The following IQCM variants were observed in gnomAD, a reference collection of about 807,000 sequenced individuals.
IQCM encodes the protein IQ domain-containing protein M.
A neutral mutation model predicts 57.6 loss-of-function variants in IQCM; 45 were observed. The observed-to-expected ratio is 0.78, with a 90% confidence interval of 0.62 to 1.00. IQCM has a LOEUF of 1.00. Among genes scored for constraint, IQCM ranks in the 50% least tolerant of loss-of-function variants. IQCM has a pLI of 0.00. For synonymous variants in IQCM, 148 were observed against 158.9 expected (o/e 0.93, Z 0.51); for missense variants, 468 against 511.6 (o/e 0.91, Z 0.82).
chr4:149,569,895 A>G (rs1289494173), intron 9 of IQCM, among the ~76,000 whole-genome samples: 2 of 152,136 alleles, frequency 1.3e-5, no homozygotes, highest in Non-Finnish European at 2.9e-5. Context: ...TTTCATATTT[A>G]TTTTCTAATA....
At chr4:149,792,477 G>A (rs1199353615) in intron 2 of IQCM, among the ~76,000 whole-genome samples, 2 of 152,010 alleles carry the variant, frequency 1.3e-5, no homozygotes, top group Non-Finnish European at 2.9e-5. Context: ...AATTTAAAGG[G>A]TCATGTTATT....
intron 2 of IQCM, among the ~76,000 whole-genome samples, chr4:149,747,473 T>A (rs890728687): frequency 6.6e-6 from 1 of 152,200 alleles, no homozygotes; most frequent in African/African-American, 2.4e-5. Context: ...TCTAACACCA[T>A]ATTGTTTAGG....
chr4:149,783,688 G>T (rs1771819603), intron 2 of IQCM, among the ~76,000 whole-genome samples: 1 of 152,114 alleles, frequency 6.6e-6, no homozygotes, highest in Admixed American at 6.5e-5. Context: ...CTAGTATAAT[G>T]TTATCTCTAT....
At chr4:149,555,920 A>G (rs1749536048) in intron 10 of IQCM, among the ~76,000 whole-genome samples, 1 of 152,174 alleles carries the variant, frequency 6.6e-6, no homozygotes, top group Non-Finnish European at 1.5e-5. Flanking sequence ...GATCTCAGGC[A>G]TTTGGAAGGT....
intron 2 of IQCM, among the ~76,000 whole-genome samples, chr4:149,774,024 T>G (rs1438421559): frequency 6.6e-6 from 1 of 152,182 alleles, no homozygotes; most frequent in Non-Finnish European, 1.5e-5. Context: ...TATTTGTGTA[T>G]GTACATGGCT....
intron 2 of IQCM, among the ~76,000 whole-genome samples, chr4:149,771,785 A>G (rs1770606068): frequency 6.6e-6 from 1 of 152,158 alleles, no homozygotes; most frequent in Non-Finnish European, 1.5e-5. Context: ...TCTTGTGCTG[A>G]TAATGAATTA....
intron 3 of IQCM, among the ~76,000 whole-genome samples, chr4:149,740,063 TAA>T: frequency 6.6e-6 from 1 of 152,310 alleles, no homozygotes; most frequent in Non-Finnish European, 1.5e-5. Context: ...CCCAGGGGCT[TAA>T]AAACATTTGC....
intron 12 of IQCM, among the ~76,000 whole-genome samples, chr4:149,535,241 T>C (rs932588431): frequency 2.0e-5 from 3 of 152,034 alleles, no homozygotes; most frequent in Non-Finnish European, 4.4e-5. Context: ...AAAATATCCT[T>C]AATACTATGT....
intron 7 of IQCM, among the ~76,000 whole-genome samples, chr4:149,634,458 A>T (rs970399133): frequency 6.6e-6 from 1 of 152,228 alleles, no homozygotes; most frequent in Non-Finnish European, 1.5e-5. Context: ...TAACTCAGCC[A>T]CAAGACTGTA....
At chr4:149,435,141 T>C (rs1039189492) in intron 12 of IQCM, among the ~76,000 whole-genome samples, 9 of 152,148 alleles carry the variant, frequency 5.9e-5, no homozygotes, top group African/African-American at 2.2e-4. Flanking sequence ...TAGTAGAAAA[T>C]CACATTTACT....
At chr4:149,788,936 T>G (rs887321336) in intron 2 of IQCM, among the ~76,000 whole-genome samples, 1 of 152,144 alleles carries the variant, frequency 6.6e-6, no homozygotes, top group Non-Finnish European at 1.5e-5. Flanking sequence ...ATGTGGGAGC[T>G]AAATAAGTAA....
At chr4:149,814,839 T>C (rs1774906671) in intron 2 of IQCM, among the ~76,000 whole-genome samples, 1 of 151,998 alleles carries the variant, frequency 6.6e-6, no homozygotes, top group Admixed American at 6.6e-5. Context: ...GTATGAATCA[T>C]ATACAGTTAA....
intron 5 of IQCM, among the ~76,000 whole-genome samples, chr4:149,696,198 A>T (rs1763326756): frequency 6.6e-6 from 1 of 152,142 alleles, no homozygotes; most frequent in South Asian, 2.1e-4. Flanking sequence ...CTCATCAAAG[A>T]TACAATGACT....
chr4:149,358,846 G>GTATATCATGATATACTCTCATGAA (rs1729222241), intron 13 of IQCM, among the ~76,000 whole-genome samples: 1 of 151,466 alleles, frequency 6.6e-6, no homozygotes, highest in African/African-American at 2.4e-5. Context: ...ACAGTGGACA[G>GTATATCATGATATACTCTCATGAA]TATATCATGA....
chr4:149,734,979 T>C (rs1453054368), intron 4 of IQCM, among the ~76,000 whole-genome samples: 1 of 152,216 alleles, frequency 6.6e-6, no homozygotes, highest in East Asian at 1.9e-4. Flanking sequence ...GAATATAATG[T>C]ATCATGCTAA....
At chr4:149,623,302 T>G (rs1184412267) in intron 7 of IQCM, among the ~76,000 whole-genome samples, 1 of 152,200 alleles carries the variant, frequency 6.6e-6, no homozygotes, top group African/African-American at 2.4e-5. Context: ...AACTAAAACC[T>G]ATACAACTTA....
chr4:149,522,628 G>A (rs1039177393), intron 12 of IQCM, among the ~76,000 whole-genome samples: 8 of 152,048 alleles, frequency 5.3e-5, no homozygotes, highest in African/African-American at 1.7e-4. Flanking sequence ...GAAAAAGTGG[G>A]GAGAAGGAGG....
chr4:149,468,459 G>A (rs1192223194), intron 12 of IQCM, among the ~76,000 whole-genome samples: 2 of 152,200 alleles, frequency 1.3e-5, no homozygotes, highest in African/African-American at 4.8e-5. Context: ...GGCTTGAATA[G>A]GTAAAAGGAA....
chr4:149,427,192 T>C (rs779725276), intron 13 of IQCM, among the ~76,000 whole-genome samples: 22 of 152,012 alleles, frequency 1.4e-4, no homozygotes, highest in Non-Finnish European at 3.1e-4. Flanking sequence ...TGATGTTGCT[T>C]TATATCTGCT....
Sources: gnomAD v4.1 joint callset for allele counts (sites outside exome capture counted in the v4.1 genomes callset) on GRCh38, gnomAD v4.1.1 for gene constraint, MANE v1.5 for transcripts, NCBI Gene and HGNC (gene_info 2026-07-23, HGNC 2026-07-21) for gene names.